The following NPY2R variants were observed in gnomAD, a reference collection of about 807,000 sequenced individuals.
NPY2R encodes the protein neuropeptide Y receptor Y2.
Under a neutral mutation model 22.3 loss-of-function variants are expected in NPY2R, and 17 were observed. That is an observed-to-expected ratio of 0.76 (90% confidence interval 0.52 to 1.14). The LOEUF (loss-of-function observed/expected upper bound fraction) is 1.14, where lower values mean the gene tolerates loss of function less well. Ranked by LOEUF, NPY2R falls within the 50% of genes most tolerant of loss-of-function variation. The pLI, the probability that NPY2R is intolerant of heterozygous loss-of-function variation, is 0.00. For synonymous variants in NPY2R, 209 were observed against 183.4 expected (o/e 1.14, Z -1.13); for missense variants, 424 against 467.9 (o/e 0.91, Z 0.87).
the NPY2R span, among the ~76,000 whole-genome samples, chr4:155,190,966 A>G: frequency 6.6e-6 from 1 of 151,968 alleles, no homozygotes; most frequent in African/African-American, 2.4e-5. Context: ...TTCAGAATTT[A>G]AATTTCATTT....
chr4:155,174,484 A>ATATATATATATATATTTT, the NPY2R span, among the ~76,000 whole-genome samples: 40 of 106,056 alleles, frequency 3.8e-4, no homozygotes, highest in East Asian at 1.1e-3. Context: ...ATATATATAT[A>ATATATATATATATATTTT]TTTTTTTTTT....
chr4:155,173,772 A>G, the NPY2R span: 3 of 151,900 alleles, frequency 2.0e-5, no homozygotes, highest in African/African-American at 4.8e-5. Context: ...ACGAATTCTC[A>G]TGGAAGCCTA....
chr4:155,193,022 G>A, the NPY2R span, among the ~76,000 whole-genome samples: 1 of 151,872 alleles, frequency 6.6e-6, no homozygotes, highest in Non-Finnish European at 1.5e-5. Context: ...TCTGGTGTTT[G>A]AGAGTAAAGA....
At chr4:155,181,239 C>A in the NPY2R span, among the ~76,000 whole-genome samples, 1 of 152,264 alleles carries the variant, frequency 6.6e-6, no homozygotes, top group East Asian at 1.9e-4. Context: ...TTCAGGATAT[C>A]TAGACTCTTT....
the NPY2R span, among the ~76,000 whole-genome samples, chr4:155,181,626 C>T: frequency 6.6e-6 from 1 of 152,090 alleles, no homozygotes; most frequent in African/African-American, 2.4e-5. Flanking sequence ...GGAGCTTTTG[C>T]CCCTTCCACC....
At chr4:155,197,957 C>T in the NPY2R span, among the ~76,000 whole-genome samples, 1 of 152,020 alleles carries the variant, frequency 6.6e-6, no homozygotes, top group Non-Finnish European at 1.5e-5. Flanking sequence ...GCCACTTCTA[C>T]TCTCATTTCC....
In NPY2R at chr4:155,214,566, C is replaced by A. The variant is rs369176614; in HGVS notation, c.627C>A (p.Gly209=). 7.4e-6 allele frequency: 12 copies of A among 1,613,986 alleles called. No homozygotes were observed. Among genetic ancestry groups the A allele is most frequent in the African/African-American group, 1.3e-5 (1 of 74,908 alleles). ...TGGCCTGTACTGAAAAGTGGCCTGG[C>A]GAGGAGAAGAGCATCTATGGCACTG... ...EIVACTEKWP[G]EEKSIYGTVY... is the part of the protein sequence containing the mutation. The change falls in exon 2 of 2, where the codon GGC becomes GGA. Residue 209 remains glycine, a synonymous_variant. Transcript: ENST00000329476.
chr4:155,183,305 A>G, the NPY2R span, among the ~76,000 whole-genome samples: 37 of 152,294 alleles, frequency 2.4e-4, no homozygotes, highest in African/African-American at 8.9e-4. Flanking sequence ...GTGCACATTT[A>G]TGACCTCATG....
the NPY2R span, among the ~76,000 whole-genome samples, chr4:155,198,871 T>C: frequency 6.6e-6 from 1 of 152,014 alleles, no homozygotes; most frequent in South Asian, 2.1e-4. Flanking sequence ...TCCTTCCTCC[T>C]GGGCTATACT....
chr4:155,207,953 C>G (rs1729315800), upstream of NPY2R: 1 of 152,332 alleles, frequency 6.6e-6, no homozygotes, highest in Admixed American at 6.5e-5. Flanking sequence ...CACTACTCAA[C>G]TTATAAACTG....
chr4:155,202,732 T>C, the NPY2R span, among the ~76,000 whole-genome samples: 1 of 152,174 alleles, frequency 6.6e-6, no homozygotes, highest in Admixed American at 6.5e-5. Context: ...AGAAAGAGCT[T>C]TGATTTTACT....
the NPY2R span, among the ~76,000 whole-genome samples, chr4:155,200,360 A>G: frequency 2.2e-5 from 3 of 137,026 alleles, no homozygotes; most frequent in South Asian, 4.5e-4. Context: ...GAAACAATAG[A>G]TGCTGAAGAA....
chr4:155,213,059 T>A (rs1165433156), intron 1 of NPY2R, among the ~76,000 whole-genome samples: 1 of 152,182 alleles, frequency 6.6e-6, no homozygotes. Context: ...GGTTCTCATT[T>A]GTAAGTAGGA....
At chr4:155,184,908 T>A in the NPY2R span, among the ~76,000 whole-genome samples, 1 of 150,038 alleles carries the variant, frequency 6.7e-6, no homozygotes, top group South Asian at 2.1e-4. Flanking sequence ...ATGGAAAAGA[T>A]ATATTTCATT....
the NPY2R span, among the ~76,000 whole-genome samples, chr4:155,189,119 A>T: frequency 6.6e-6 from 1 of 152,002 alleles, no homozygotes; most frequent in African/African-American, 2.4e-5. Context: ...CCTCCCATAA[A>T]ATGTTTACAT....
Position 155,213,915 on chromosome 4 carries a change from C to T in NPY2R, c.-25C>T. The T allele has an allele frequency of 6.3e-7, 1 of 1,599,060 alleles. No individual in the cohort carries two copies. Among genetic ancestry groups the T allele is most frequent in the Non-Finnish European group, 8.6e-7 (1 of 1,166,936 alleles). ...AGGTTGTAGACTCTTGTGCTGGTTG[C>T]AGGCCAAGTGGACCTGTACTGAAAA... On this transcript the variant is annotated 5_prime_UTR_variant, in exon 2 of 2. Transcript: ENST00000329476.
At chr4:155,181,024 T>G in the NPY2R span, among the ~76,000 whole-genome samples, 71,610 of 151,908 alleles carry the variant, frequency 0.47, 17,580 homozygotes, top group East Asian at 0.69. Flanking sequence ...ACAAATTATA[T>G]TTTTCCTTTA....
At chr4:155,179,744 T>C in the NPY2R span, among the ~76,000 whole-genome samples, 1 of 152,200 alleles carries the variant, frequency 6.6e-6, no homozygotes, top group African/African-American at 2.4e-5. Context: ...GCAGATTTTG[T>C]AGCCTTAACT....
At position 155,208,972 on chromosome 4, in the gene NPY2R, C is replaced by T. The variant is rs533618101; in HGVS notation, c.-146C>T. ...CGGAACCGGACTTGCCTTTGGGCAC[C>T]TTCCAGGGCCCTCTCCAGGTCGGCT... On this transcript the variant is annotated 5_prime_UTR_variant, in exon 1 of 2. Coordinates refer to ENST00000329476, the MANE Select transcript of NPY2R (RefSeq NM_000910.4). The surrounding 1 kb of genome is among the most constrained non-coding windows in gnomAD (Gnocchi z 5.6). The T allele has an allele frequency of 6.6e-6, 1 of 152,350 alleles. No individual in the cohort carries two copies. The highest frequency in any genetic ancestry group is 1.9e-4 in the East Asian group (1 of 5,130). The allele number at this position is 152,350 out of a possible 1,614,324, so 9.4% of individuals were successfully genotyped here. A position where few individuals can be genotyped will look rare whatever the true frequency, so the allele number is the denominator to read the frequency against.
Sources: gnomAD v4.1 joint callset for allele counts (sites outside exome capture counted in the v4.1 genomes callset) on GRCh38, gnomAD v4.1.1 for gene constraint, Gnocchi (gnomAD v3.1) non-coding constraint, MANE v1.5 for transcripts, NCBI Gene and HGNC (gene_info 2026-07-23, HGNC 2026-07-21) for gene names.